The following GALNT13 variants were observed in gnomAD, a reference collection of about 807,000 sequenced individuals.
GALNT13 encodes the protein polypeptide N-acetylgalactosaminyltransferase 13.
A neutral mutation model predicts 64.2 loss-of-function variants in GALNT13; 28 were observed. The observed-to-expected ratio is 0.44, with a 90% CI of 0.32 to 0.60. The LOEUF is 0.60. Among genes scored for constraint, GALNT13 ranks in the 20% least tolerant of loss-of-function variants. GALNT13 has a pLI of 0.05. For synonymous variants in GALNT13, 214 were observed against 224.6 expected (o/e 0.95, Z 0.42); for missense variants, 577 against 669.8 (o/e 0.86, Z 1.53).
the GALNT13 span, among the ~76,000 whole-genome samples, chr2:153,736,340 G>A: frequency 6.6e-6 from 1 of 152,104 alleles, no homozygotes; most frequent in South Asian, 2.1e-4. Context: ...TAGCTCCTGT[G>A]TCCTTTTGAC....
chr2:153,095,852 C>T, the GALNT13 span, among the ~76,000 whole-genome samples: 3 of 151,598 alleles, frequency 2.0e-5, no homozygotes, highest in Admixed American at 1.3e-4. Flanking sequence ...CACTTGGACA[C>T]AGGATGGGGA....
At chr2:153,726,199 A>G in the GALNT13 span, among the ~76,000 whole-genome samples, 6 of 152,194 alleles carry the variant, frequency 3.9e-5, no homozygotes, top group African/African-American at 7.2e-5. Flanking sequence ...AGACATCACT[A>G]TATAAATGAA....
intron 7 of GALNT13, among the ~76,000 whole-genome samples, chr2:154,258,565 T>C (rs200315548): frequency 6.6e-6 from 1 of 152,066 alleles, no homozygotes; most frequent in Non-Finnish European, 1.5e-5. Context: ...TAATTTTTTT[T>C]ATTTTTAAAT....
chr2:153,403,360 A>C, the GALNT13 span, among the ~76,000 whole-genome samples: 13 of 152,090 alleles, frequency 8.5e-5, no homozygotes, highest in Non-Finnish European at 1.0e-4. Flanking sequence ...TTAAGTCTGC[A>C]GAAGTTACTG....
chr2:153,360,873 A>C, the GALNT13 span, among the ~76,000 whole-genome samples: 1 of 152,180 alleles, frequency 6.6e-6, no homozygotes, highest in Admixed American at 6.5e-5. Flanking sequence ...AGGGACAGCC[A>C]AAATGTACTG....
At chr2:153,469,101 TAGG>T in the GALNT13 span, among the ~76,000 whole-genome samples, 1 of 152,126 alleles carries the variant, frequency 6.6e-6, no homozygotes, top group Non-Finnish European at 1.5e-5. Flanking sequence ...TGTCCAAATA[TAGG>T]AGGACCATCA....
the GALNT13 span, among the ~76,000 whole-genome samples, chr2:153,368,966 A>T: frequency 1.3e-5 from 2 of 152,120 alleles, no homozygotes; most frequent in Admixed American, 6.6e-5. Flanking sequence ...GAAATCATAC[A>T]AAGTATATTA....
At chr2:153,244,530 T>A in the GALNT13 span, among the ~76,000 whole-genome samples, 2 of 152,168 alleles carry the variant, frequency 1.3e-5, no homozygotes, top group African/African-American at 4.8e-5. Context: ...GGGGTGTCAC[T>A]TCACCTGGGA....
chr2:153,691,406 T>C, the GALNT13 span, among the ~76,000 whole-genome samples: 1 of 152,134 alleles, frequency 6.6e-6, no homozygotes, highest in Non-Finnish European at 1.5e-5. Context: ...GGACAATTAG[T>C]AGGCTTTTGA....
chr2:153,915,412 CT>C (rs1388355407), intron 2 of GALNT13, among the ~76,000 whole-genome samples: 1 of 152,114 alleles, frequency 6.6e-6, no homozygotes, highest in Non-Finnish European at 1.5e-5. Context: ...TCCTGGGTGT[CT>C]ACACTGTTCT....
At chr2:154,153,884 C>T (rs1373171201) in intron 4 of GALNT13, among the ~76,000 whole-genome samples, 6 of 152,212 alleles carry the variant, frequency 3.9e-5, no homozygotes, top group African/African-American at 9.6e-5. Context: ...TTGCGCTTCC[C>T]GAGTGAGGCA....
the GALNT13 span, among the ~76,000 whole-genome samples, chr2:153,476,859 A>T: frequency 2.0e-5 from 3 of 152,158 alleles, no homozygotes; most frequent in Non-Finnish European, 4.4e-5. Flanking sequence ...CTCGCATTTT[A>T]TAATTCCCCT....
chr2:153,244,093 A>C, the GALNT13 span, among the ~76,000 whole-genome samples: 211 of 141,894 alleles, frequency 1.5e-3, 8 homozygotes, highest in African/African-American at 6.4e-3. Flanking sequence ...TTTGTTTTTA[A>C]AGTAAACTCC....
At chr2:154,360,964 T>A (rs578003142) in intron 9 of GALNT13, among the ~76,000 whole-genome samples, 1 of 152,022 alleles carries the variant, frequency 6.6e-6, no homozygotes, top group African/African-American at 2.4e-5. Flanking sequence ...GTTAAAAACC[T>A]AGGAAATTTG....
At chr2:153,723,938 G>A in the GALNT13 span, among the ~76,000 whole-genome samples, 1 of 150,498 alleles carries the variant, frequency 6.6e-6, no homozygotes, top group Non-Finnish European at 1.5e-5. Flanking sequence ...TTTCTTCACA[G>A]AATTGAAAAA....
the GALNT13 span, among the ~76,000 whole-genome samples, chr2:153,401,363 G>C: frequency 6.6e-6 from 1 of 152,020 alleles, no homozygotes; most frequent in African/African-American, 2.4e-5. Context: ...GTCAATTTTG[G>C]AATAGGTGTG....
chr2:153,261,586 G>A, the GALNT13 span, among the ~76,000 whole-genome samples: 1 of 152,088 alleles, frequency 6.6e-6, no homozygotes. Context: ...GGTGACATAA[G>A]CAAACCTGTG....
the GALNT13 span, among the ~76,000 whole-genome samples, chr2:153,238,816 G>T: frequency 1.3e-5 from 2 of 151,966 alleles, no homozygotes; most frequent in African/African-American, 4.8e-5. Flanking sequence ...AATGCTTTTG[G>T]CTATTCTGAG....
chr2:154,230,930 T>C (rs1688882413), intron 4 of GALNT13, among the ~76,000 whole-genome samples: 1 of 152,152 alleles, frequency 6.6e-6, no homozygotes. Flanking sequence ...GCTAATATAA[T>C]GCATTTATTA....
Sources: allele counts gnomAD v4.1 joint callset (sites outside exome capture counted in the v4.1 genomes callset), GRCh38; gene constraint gnomAD v4.1.1; transcripts MANE v1.5; gene names NCBI Gene and HGNC (gene_info 2026-07-23, HGNC 2026-07-21).